HERPUD2: variants seen among roughly 807,000 people sequenced by gnomAD.
HERPUD2 encodes HERPUD family member 2, also known as homocysteine-responsive endoplasmic reticulum-resident ubiquitin-like domain member 2 protein.
In HERPUD2, 13 loss-of-function variants were observed where a neutral mutation model predicts 49.9. That is an observed-to-expected ratio of 0.26 (90% CI 0.17 to 0.41). The LOEUF is 0.41. HERPUD2 is among the 10% of genes least tolerant of loss of function. HERPUD2 has a pLI of 1.00. For synonymous variants in HERPUD2, 172 were observed against 171.4 expected (o/e 1.00, Z -0.03); for missense variants, 449 against 492.2 (o/e 0.91, Z 0.83).
At chr7:35,666,157 C>A (rs1280374105) in intron 5 of HERPUD2, among the ~76,000 whole-genome samples, 1 of 152,078 alleles carries the variant, frequency 6.6e-6, no homozygotes, top group Non-Finnish European at 1.5e-5. Context: ...TAATATAAAC[C>A]CTGAGAACAC....
At chr7:35,665,399 G>A (rs1785515672) in intron 5 of HERPUD2, among the ~76,000 whole-genome samples, 1 of 152,230 alleles carries the variant, frequency 6.6e-6, no homozygotes. Flanking sequence ...GGCTCCTTGG[G>A]CATGGGACCC....
chr7:35,635,537 C>CTA (rs1784857906), intron 6 of HERPUD2, 79 bp from the exon 7 acceptor site: 1 of 1,193,528 alleles, frequency 8.4e-7, no homozygotes, highest in African/African-American at 1.6e-5. Flanking sequence ...TCTTGGGGAG[C>CTA]TATATGTATT....
intron 2 of HERPUD2, among the ~76,000 whole-genome samples, chr7:35,687,115 C>T (rs1433598554): frequency 6.6e-6 from 1 of 152,042 alleles, no homozygotes; most frequent in African/African-American, 2.4e-5. Context: ...ATGATAGTTG[C>T]TATAACAAAT....
chr7:35,670,809 A>T (rs1219274999), intron 3 of HERPUD2, among the ~76,000 whole-genome samples: 2 of 152,098 alleles, frequency 1.3e-5, no homozygotes, highest in Non-Finnish European at 2.9e-5. Context: ...ATTTTTATCT[A>T]TAACACCTAT....
chr7:35,644,302 A>G (rs1394112174), intron 5 of HERPUD2, among the ~76,000 whole-genome samples: 2 of 152,124 alleles, frequency 1.3e-5, no homozygotes, highest in Non-Finnish European at 2.9e-5. Flanking sequence ...ATCAGGCCCT[A>G]GATCTAACTA....
At chr7:35,634,553 A>G in intron 7 of HERPUD2, 124 bp from the exon 8 acceptor site, 1 of 604,700 alleles carries the variant, frequency 1.7e-6, no homozygotes, top group Non-Finnish European at 2.8e-6. Context: ...AAAAGACCAA[A>G]TCTCCCACTT....
chr7:35,690,490 G>C (rs1383442854), intron 2 of HERPUD2, among the ~76,000 whole-genome samples: 1 of 152,146 alleles, frequency 6.6e-6, no homozygotes, highest in East Asian at 1.9e-4. Flanking sequence ...ATAAAACAAA[G>C]TCATCAGTGC....
rs531820472 is a variant in HERPUD2, at chr7:35,632,819, A to G, written c.*871T>C. 1 of 152,626 alleles carries G rather than the reference A, an allele frequency of 6.6e-6. No individual in the cohort carries two copies. The highest frequency in any genetic ancestry group is 6.5e-5 in the Admixed American group (1 of 15,280). 9.5% of individuals were successfully genotyped at this position (152,626 alleles called of 1,614,324 possible). A position where few individuals can be genotyped will look rare whatever the true frequency, so the allele number is the denominator to read the frequency against. ...GTACTGATTCCAATTGATGGGATAC[A>G]TGCCCTTAATACAGAAAGTTTCCAT... On this transcript the variant is annotated 3_prime_UTR_variant, in exon 9 of 9. Coordinates refer to ENST00000311350, the MANE Select transcript of HERPUD2 (RefSeq NM_022373.5).
At chr7:35,677,141 G>T (rs902147552) in intron 2 of HERPUD2, among the ~76,000 whole-genome samples, 1 of 152,100 alleles carries the variant, frequency 6.6e-6, no homozygotes, top group Non-Finnish European at 1.5e-5. Flanking sequence ...TATGATTTTG[G>T]ATTGCCCTTA....
intron 5 of HERPUD2, among the ~76,000 whole-genome samples, chr7:35,660,028 TCCC>T (rs967093592): frequency 6.6e-6 from 1 of 151,944 alleles, no homozygotes; most frequent in Non-Finnish European, 1.5e-5. Context: ...CCCTCCCCAC[TCCC>T]CCAACCCCAC....
rs371911095 is a variant in HERPUD2 at position 35,670,175 on chromosome 7, A to G, written c.339+40T>C. ...AAAAAATAAGACGACGACGAAAAAAAAAGAAAAGTTCAATGTTTACTCCTC... is the reference window on the plus strand; with the variant it reads ...AAAAAATAAGACGACGACGAAAAAAGAAGAAAAGTTCAATGTTTACTCCTC... On this transcript the variant is annotated intron_variant, in intron 4 of 8. Coordinates refer to ENST00000311350, the MANE Select transcript of HERPUD2 (RefSeq NM_022373.5). 7.8e-5 allele frequency: 81 copies of G among 1,039,250 alleles called. No individual in the cohort carries two copies. The African/African-American group carries it at 1.2e-3, about 15-fold the overall frequency. 64.4% of individuals were successfully genotyped at this position (1,039,250 alleles called of 1,614,324 possible).
At chr7:35,687,378 G>A (rs1465771271) in intron 2 of HERPUD2, among the ~76,000 whole-genome samples, 1 of 152,116 alleles carries the variant, frequency 6.6e-6, no homozygotes, top group Non-Finnish European at 1.5e-5. Flanking sequence ...CCAATAGTCA[G>A]CAAATTCTAT....
chr7:35,679,995 C>T (rs147951220), intron 2 of HERPUD2, among the ~76,000 whole-genome samples: 1 of 152,358 alleles, frequency 6.6e-6, no homozygotes, highest in East Asian at 1.9e-4. Flanking sequence ...CTACTTCTTT[C>T]TACCTACACT....
intron 5 of HERPUD2, among the ~76,000 whole-genome samples, chr7:35,654,083 G>A (rs1342896844): frequency 6.6e-6 from 1 of 152,052 alleles, no homozygotes; most frequent in Non-Finnish European, 1.5e-5. Flanking sequence ...TGCTAAGAGA[G>A]ATGTTTATAG....
intron 2 of HERPUD2, 33 bp downstream of exon 2, chr7:35,694,151 C>T: frequency 3.1e-6 from 5 of 1,612,342 alleles, no homozygotes; most frequent in Non-Finnish European, 4.2e-6. Context: ...AGCTGCTGGT[C>T]AGAGCAGCTG....
At chr7:35,686,837 G>C (rs1786070750) in intron 2 of HERPUD2, among the ~76,000 whole-genome samples, 1 of 84,512 alleles carries the variant, frequency 1.2e-5, no homozygotes, top group Non-Finnish European at 2.3e-5. Flanking sequence ...GGGTGGGGGG[G>C]GGCGCGAGTC....
intron 2 of HERPUD2, among the ~76,000 whole-genome samples, chr7:35,682,255 GTGTGTGTATA>G (rs1785910625): frequency 1.4e-5 from 1 of 73,726 alleles, no homozygotes; most frequent in African/African-American, 5.4e-5. Flanking sequence ...ACACACGTGT[GTGTGTGTATA>G]TATAGATATA....
At chr7:35,644,178 T>C (rs1329199286) in intron 5 of HERPUD2, among the ~76,000 whole-genome samples, 1 of 152,060 alleles carries the variant, frequency 6.6e-6, no homozygotes, top group Admixed American at 6.6e-5. Flanking sequence ...AAATTTGATA[T>C]ATCAGTATGA....
At chr7:35,682,357 G>GTATATATA (rs3052526) in intron 2 of HERPUD2, among the ~76,000 whole-genome samples, 20 of 25,824 alleles carry the variant, frequency 7.7e-4, no homozygotes, top group African/African-American at 2.0e-3. Context: ...GTGTGTGTGT[G>GTATATATA]TATATATATA....
Sources: allele counts gnomAD v4.1 joint callset (sites outside exome capture counted in the v4.1 genomes callset), GRCh38; gene constraint gnomAD v4.1.1; transcripts MANE v1.5; gene names NCBI Gene and HGNC (gene_info 2026-07-23, HGNC 2026-07-21).